Variants in TENM3 observed in about 807,000 individuals in gnomAD.
TENM3 encodes teneurin-3.
Under a neutral mutation model 255.1 loss-of-function variants are expected in TENM3, and 63 were observed. The observed-to-expected ratio is 0.25, with a 90% CI of 0.20 to 0.30. The LOEUF (loss-of-function observed/expected upper bound fraction) is 0.30. Ranked by LOEUF, TENM3 falls within the 10% of genes least tolerant of loss-of-function variation. The pLI, the probability that TENM3 is intolerant of heterozygous loss-of-function variation, is 1.00. For synonymous variants in TENM3, 1,306 were observed against 1,322.3 expected (o/e 0.99, Z 0.27); for missense variants, 2,929 against 3,461.1 (o/e 0.85, Z 3.86).
At chr4:182,183,626 A>G (rs940669103) in intron 1 of TENM3, among the ~76,000 whole-genome samples, 2 of 152,154 alleles carry the variant, frequency 1.3e-5, no homozygotes, top group Non-Finnish European at 2.9e-5. Context: ...ACCAGATAAC[A>G]TATGTCCATT....
chr4:182,688,325 G>T lies in TENM3; in HGVS notation c.2195G>T (p.Gly732Val). The change falls in exon 12 of 28, where the codon GGC becomes GTC. Residue 732 changes from glycine to valine, a missense_variant. Coordinates refer to ENST00000511685, the MANE Select transcript of TENM3 (RefSeq NM_001080477.4). ...GATGGCAAGTGTGAATGCAGCCAGG[G>T]CTGGAATGGAGAGCACTGCACTATC... Reference protein sequence around the residue: ...CKDGKCECSQGWNGEHCTIEG... With the variant: ...CKDGKCECSQVWNGEHCTIEG... The T allele has an allele frequency of 6.2e-7, 1 of 1,613,472 alleles. No homozygotes were observed. Among genetic ancestry groups the T allele is most frequent in the Non-Finnish European group, 8.5e-7 (1 of 1,179,624 alleles).
chr4:182,397,016 A>G (rs1332070020), intron 3 of TENM3, among the ~76,000 whole-genome samples: 2 of 151,908 alleles, frequency 1.3e-5, no homozygotes, highest in East Asian at 3.9e-4. Flanking sequence ...CACTCAATAT[A>G]CCAATGAAAA....
the TENM3 span, among the ~76,000 whole-genome samples, chr4:181,623,506 T>C: frequency 6.6e-6 from 1 of 152,332 alleles, no homozygotes; most frequent in African/African-American, 2.4e-5. Context: ...CTTTGTCATG[T>C]TTGAGAAATT....
At chr4:181,625,448 T>C in the TENM3 span, among the ~76,000 whole-genome samples, 2 of 152,308 alleles carry the variant, frequency 1.3e-5, no homozygotes, top group East Asian at 3.9e-4. Context: ...TCCCAGCAAC[T>C]ATCTCTGCCT....
chr4:181,790,469 T>C, the TENM3 span, among the ~76,000 whole-genome samples: 1 of 152,216 alleles, frequency 6.6e-6, no homozygotes, highest in Non-Finnish European at 1.5e-5. Context: ...TCAGTTATCA[T>C]TATTTGTTAA....
chr4:181,659,529 T>C, the TENM3 span, among the ~76,000 whole-genome samples: 1 of 152,220 alleles, frequency 6.6e-6, no homozygotes, highest in Non-Finnish European at 1.5e-5. Flanking sequence ...TGATGACCAA[T>C]TTTCTCAGTG....
intron 2 of TENM3, among the ~76,000 whole-genome samples, chr4:182,336,738 T>A (rs564180098): frequency 8.4e-4 from 128 of 152,322 alleles, no homozygotes; most frequent in African/African-American, 2.8e-3. Context: ...TGCTTTTGAT[T>A]TATTTTAGGG....
chr4:182,453,884 A>G (rs1436275622), intron 3 of TENM3, among the ~76,000 whole-genome samples: 1 of 152,212 alleles, frequency 6.6e-6, no homozygotes, highest in Non-Finnish European at 1.5e-5. Flanking sequence ...GTAACCTTTT[A>G]TAATTATTTA....
At chr4:182,494,278 CT>C (rs369247783) in intron 3 of TENM3, among the ~76,000 whole-genome samples, 4 of 152,256 alleles carry the variant, frequency 2.6e-5, no homozygotes, top group Non-Finnish European at 5.9e-5. Flanking sequence ...GTAGTCCCCC[CT>C]GATCACTTTT....
chr4:181,599,856 A>C, the TENM3 span, among the ~76,000 whole-genome samples: 1 of 152,140 alleles, frequency 6.6e-6, no homozygotes, highest in Non-Finnish European at 1.5e-5. Context: ...CTTATTTATT[A>C]CACAAATTTA....
At chr4:182,175,314 A>AAAAAATAT (rs60217194) in intron 1 of TENM3, among the ~76,000 whole-genome samples, 5 of 117,594 alleles carry the variant, frequency 4.3e-5, no homozygotes, top group African/African-American at 1.7e-4. Context: ...AAAAAAAAAA[A>AAAAAATAT]ATATATATAT....
the TENM3 span, among the ~76,000 whole-genome samples, chr4:181,972,116 A>C: frequency 6.6e-6 from 1 of 152,030 alleles, no homozygotes; most frequent in Non-Finnish European, 1.5e-5. Context: ...AAAATAGCTT[A>C]ACATCTCTCT....
chr4:182,441,914 T>C (rs1772521418), intron 3 of TENM3, among the ~76,000 whole-genome samples: 1 of 152,208 alleles, frequency 6.6e-6, no homozygotes, highest in Non-Finnish European at 1.5e-5. Flanking sequence ...TATGCTCGTA[T>C]GTTCGTGGTC....
At chr4:182,012,617 A>T in the TENM3 span, 1 of 152,198 alleles carries the variant, frequency 6.6e-6, no homozygotes, top group South Asian at 2.1e-4. Context: ...TGTGGTGGAT[A>T]ACACTTTTTG....
At chr4:181,460,570 G>A in the TENM3 span, among the ~76,000 whole-genome samples, 2 of 145,476 alleles carry the variant, frequency 1.4e-5, no homozygotes, top group African/African-American at 5.1e-5. Flanking sequence ...TTTGCCATTT[G>A]CCCAGATATT....
At chr4:181,472,693 C>T in the TENM3 span, among the ~76,000 whole-genome samples, 1 of 152,112 alleles carries the variant, frequency 6.6e-6, no homozygotes, top group Non-Finnish European at 1.5e-5. Context: ...TAAGCATGTT[C>T]TTGTTCTTTG....
At chr4:181,628,183 T>A in the TENM3 span, among the ~76,000 whole-genome samples, 7 of 152,066 alleles carry the variant, frequency 4.6e-5, no homozygotes, top group East Asian at 1.4e-3. Context: ...TTGATGGGGT[T>A]GTTTTTTTCT....
At chr4:181,626,342 T>G in the TENM3 span, among the ~76,000 whole-genome samples, 1 of 152,196 alleles carries the variant, frequency 6.6e-6, no homozygotes. Flanking sequence ...GGGACTGTGT[T>G]GGTCCATTTT....
chr4:182,605,006 T>C (rs1011814818), intron 4 of TENM3, among the ~76,000 whole-genome samples: 1 of 152,224 alleles, frequency 6.6e-6, no homozygotes, highest in Non-Finnish European at 1.5e-5. Flanking sequence ...GATATGATAC[T>C]TTTTTCTCTT....
Sources: gnomAD v4.1 joint callset for allele counts (sites outside exome capture counted in the v4.1 genomes callset) on GRCh38, gnomAD v4.1.1 for gene constraint, MANE v1.5 for transcripts, NCBI Gene and HGNC (gene_info 2026-07-23, HGNC 2026-07-21) for gene names.